TSNARE1: variants seen among roughly 807,000 people sequenced by gnomAD.
The protein encoded by TSNARE1 is t-SNARE domain-containing protein 1.
TSNARE1 carries 49 observed loss-of-function variants against 62.0 expected under a neutral mutation model. That is an observed-to-expected ratio of 0.79 (90% CI 0.63 to 1.00). The LOEUF (loss-of-function observed/expected upper bound fraction) is 1.00. Among genes scored for constraint, TSNARE1 ranks in the 50% least tolerant of loss-of-function variants. TSNARE1 has a pLI of 0.00. For missense variants in TSNARE1, 755 were observed against 700.1 expected, an observed-to-expected ratio of 1.08 and a Z score of -0.88; for synonymous variants, 328 against 294.4, an observed-to-expected ratio of 1.11 and a Z score of -1.17.
At chr8:142,367,404 C>T (rs556068054) in intron 1 of TSNARE1, among the ~76,000 whole-genome samples, 64 of 152,022 alleles carry the variant, frequency 4.2e-4, no homozygotes, top group African/African-American at 1.5e-3. Context: ...CTGAAAGCAC[C>T]GTGCTAGGAG....
At chr8:142,216,226 C>G (rs1293310254) in intron 13 of TSNARE1, among the ~76,000 whole-genome samples, 5 of 152,350 alleles carry the variant, frequency 3.3e-5, no homozygotes, top group African/African-American at 1.2e-4. Context: ...CCCGCCCCTC[C>G]TCTGAGGGCT....
At chr8:142,296,738 G>A (rs1234328210) in intron 10 of TSNARE1, among the ~76,000 whole-genome samples, 2 of 152,052 alleles carry the variant, frequency 1.3e-5, no homozygotes, top group African/African-American at 4.8e-5. Context: ...GCTCAGATCA[G>A]GGCAGGGTGC....
At chr8:142,404,068 G>T (rs970538684), upstream of TSNARE1, 1 of 152,236 alleles carries the variant, frequency 6.6e-6, no homozygotes, top group Non-Finnish European at 1.5e-5. Context: ...CACCTTCTCC[G>T]GCAAGCGGAG....
At chr8:142,355,922 G>C (rs1563979437) in intron 1 of TSNARE1, among the ~76,000 whole-genome samples, 1 of 152,188 alleles carries the variant, frequency 6.6e-6, no homozygotes, top group Non-Finnish European at 1.5e-5. Flanking sequence ...CATCGACCCA[G>C]TGGGCCCCAC....
intron 13 of TSNARE1, among the ~76,000 whole-genome samples, chr8:142,226,170 C>G (rs1434833688): frequency 6.6e-6 from 1 of 152,208 alleles, no homozygotes. Flanking sequence ...TTTAGAGGGA[C>G]TAAGTCAGCT....
At chr8:142,250,732 A>G (rs879739689) in intron 12 of TSNARE1, among the ~76,000 whole-genome samples, 2 of 152,200 alleles carry the variant, frequency 1.3e-5, no homozygotes, top group Non-Finnish European at 2.9e-5. Context: ...GCATGGCAGC[A>G]CAGGCAGCTG....
chr8:142,236,610 A>T (rs891691568), intron 12 of TSNARE1, among the ~76,000 whole-genome samples: 18 of 151,810 alleles, frequency 1.2e-4, no homozygotes, highest in South Asian at 4.2e-4. Context: ...TTAATTAATT[A>T]AAAAAATTCA....
At chr8:142,298,045 G>A (rs1825062991) in intron 10 of TSNARE1, among the ~76,000 whole-genome samples, 5 of 152,182 alleles carry the variant, frequency 3.3e-5, no homozygotes, top group Admixed American at 3.3e-4. Context: ...CAGCCCCCCT[G>A]CTACCCCCCG....
intron 12 of TSNARE1, among the ~76,000 whole-genome samples, chr8:142,253,751 C>T (rs1407818126): frequency 6.6e-6 from 1 of 152,240 alleles, no homozygotes; most frequent in Non-Finnish European, 1.5e-5. Flanking sequence ...TGACCCCTCC[C>T]GCAGGACCCT....
intron 1 of TSNARE1, among the ~76,000 whole-genome samples, chr8:142,356,763 G>A (rs1216206856): frequency 6.6e-6 from 1 of 152,130 alleles, no homozygotes; most frequent in Non-Finnish European, 1.5e-5. Context: ...TGCAGCTGAG[G>A]AAACTGAGGC....
At chr8:142,218,513 C>G (rs911906839) in intron 13 of TSNARE1, among the ~76,000 whole-genome samples, 1 of 152,212 alleles carries the variant, frequency 6.6e-6, no homozygotes, top group Non-Finnish European at 1.5e-5. Context: ...TCAGACATGT[C>G]CCCCTCTCAT....
intron 12 of TSNARE1, among the ~76,000 whole-genome samples, chr8:142,260,970 G>GAGGA (rs1818830348): frequency 2.9e-5 from 2 of 70,008 alleles, no homozygotes; most frequent in Admixed American, 1.4e-4. Context: ...AGCAGTCAGG[G>GAGGA]AGGGAGGGAG....
At chr8:142,269,824 G>A (rs920950757) in intron 12 of TSNARE1, 3 of 985,332 alleles carry the variant, frequency 3.0e-6, no homozygotes, top group Non-Finnish European at 3.6e-6. Flanking sequence ...CCTGGAGGGA[G>A]GCCAGGCGTG....
chr8:142,257,177 A>T (rs1818627105), intron 12 of TSNARE1, among the ~76,000 whole-genome samples: 1 of 152,134 alleles, frequency 6.6e-6, no homozygotes, highest in African/African-American at 2.4e-5. Context: ...CACAGTGCCC[A>T]CTTCGGGGGT....
intron 13 of TSNARE1, among the ~76,000 whole-genome samples, chr8:142,216,616 G>A (rs529718536): frequency 5.9e-4 from 85 of 143,646 alleles, no homozygotes; most frequent in Middle Eastern, 3.5e-3. Flanking sequence ...GCCTGGGCAC[G>A]GGGCACAGGG....
chr8:142,254,965 C>T (rs1818351294), intron 12 of TSNARE1, among the ~76,000 whole-genome samples: 1 of 152,150 alleles, frequency 6.6e-6, no homozygotes, highest in Non-Finnish European at 1.5e-5. Context: ...CTGAGCCCAG[C>T]CTTGTGCTGA....
At chr8:142,305,811 T>C (rs1826573983) in intron 9 of TSNARE1, among the ~76,000 whole-genome samples, 1 of 152,170 alleles carries the variant, frequency 6.6e-6, no homozygotes, top group Admixed American at 6.5e-5. Context: ...AAAGGCGGCT[T>C]TCTCCTCCCC....
Position 142,367,595 on chromosome 8 carries a change from T to C in TSNARE1, c.-39-12832A>G, listed in dbSNP as rs186627459. 2.8e-3 allele frequency among the ~76,000 whole-genome samples: 421 copies of C among 152,350 alleles called. 4 individuals are homozygous for C. Among genetic ancestry groups the C allele is most frequent in the African/African-American group, 9.5e-3 (395 of 41,594 alleles). ...TCTTTTCAGGGTGATGGAGATATTCTGGCATTTGATAGTAATGAATGTACA... is the reference window on the plus strand; with the variant it reads ...TCTTTTCAGGGTGATGGAGATATTCCGGCATTTGATAGTAATGAATGTACA... On this transcript the variant is annotated intron_variant, in intron 1 of 13. Transcript: ENST00000524325.
chr8:142,232,705 C>T (rs953418837), intron 12 of TSNARE1, among the ~76,000 whole-genome samples: 3 of 152,220 alleles, frequency 2.0e-5, no homozygotes, highest in African/African-American at 4.8e-5. Flanking sequence ...GCCACCGCTC[C>T]GTATCTGGAC....
Sources: allele counts gnomAD v4.1 joint callset (sites outside exome capture counted in the v4.1 genomes callset), GRCh38; gene constraint gnomAD v4.1.1; transcripts MANE v1.5; gene names NCBI Gene and HGNC (gene_info 2026-07-23, HGNC 2026-07-21).